SCN3A: variants seen among roughly 807,000 people sequenced by gnomAD.
SCN3A encodes the protein sodium voltage-gated channel alpha subunit 3, also known as sodium channel protein type 3 subunit alpha.
In SCN3A, 60 loss-of-function variants were observed where a neutral mutation model predicts 187.6. That is an observed-to-expected ratio of 0.32 (90% CI 0.26 to 0.40). SCN3A has a LOEUF of 0.40. SCN3A is among the 10% of genes least tolerant of loss of function. The pLI is 1.00. For synonymous variants in SCN3A, 788 were observed against 829.2 expected, an observed-to-expected ratio of 0.95 and a Z score of 0.85; for missense variants, 1,601 against 2,428.2, an observed-to-expected ratio of 0.66 and a Z score of 7.16.
At chr2:165,112,383 G>T (rs972316357) in intron 21 of SCN3A, among the ~76,000 whole-genome samples, 1 of 152,198 alleles carries the variant, frequency 6.6e-6, no homozygotes, top group Non-Finnish European at 1.5e-5. Flanking sequence ...GCATTTTGTT[G>T]TGTCTGTGGG....
At chr2:165,156,025 T>C in intron 9 of SCN3A, 122 bp from the exon 10 acceptor site, 3 of 1,205,928 alleles carry the variant, frequency 2.5e-6, no homozygotes, top group South Asian at 1.3e-5. Context: ...TTGCTTTAAT[T>C]TCCAGAACAC....
intron 26 of SCN3A, chr2:165,093,781 A>G (rs1353037830): frequency 6.6e-6 from 1 of 152,444 alleles, no homozygotes; most frequent in Non-Finnish European, 1.5e-5. Flanking sequence ...CATGATTCGT[A>G]TGTTCTTTGG....
chr2:165,155,630 C>T, intron 10 of SCN3A, 132 bp downstream of exon 10: 6 of 944,128 alleles, frequency 6.4e-6, no homozygotes, highest in Non-Finnish European at 9.8e-6. Flanking sequence ...AATTCCTGGA[C>T]TCAAGTGATC....
intron 18 of SCN3A, among the ~76,000 whole-genome samples, chr2:165,124,114 A>G (rs1299079623): frequency 1.3e-5 from 2 of 152,080 alleles, no homozygotes; most frequent in Admixed American, 6.5e-5. Flanking sequence ...ATTGAAATCT[A>G]TGTATTCAAA....
At chr2:165,135,829 A>G (rs1687630554) in intron 15 of SCN3A, among the ~76,000 whole-genome samples, 1 of 152,124 alleles carries the variant, frequency 6.6e-6, no homozygotes, top group African/African-American at 2.4e-5. Flanking sequence ...ATGGATAGAA[A>G]TAAATAACTC....
At position 165,113,962 on chromosome 2, in the gene SCN3A, T is replaced by A. The variant is rs1162241822; in HGVS notation, c.3523A>T (p.Lys1175Ter). The A allele has an allele frequency of 6.3e-7, 1 of 1,576,102 alleles. No individual in the cohort carries two copies. The highest frequency in any genetic ancestry group is 8.7e-7 in the Non-Finnish European group (1 of 1,151,048). The change falls in exon 20 of 28, where the codon AAA becomes TAA. Residue 1175 changes from lysine (K) to a stop codon, truncating the protein, a stop_gained. Transcript: ENST00000283254. LOFTEE classifies it high-confidence loss of function. ...PEACFTEGCI[K>*]KFPFCQVSTE... is the part of the protein sequence containing the mutation. ...CTTACTTGACAGAATGGAAACTTTT[T>A]AATACATCCTAAAAATCAAATATAG...
intron 11 of SCN3A, 99 bp downstream of exon 11, chr2:165,154,353 A>G (rs923916428): frequency 2.3e-6 from 3 of 1,295,204 alleles, no homozygotes. Context: ...TATATATAAA[A>G]TGAAAAAGCA....
intron 4 of SCN3A, 104 bp downstream of exon 4, chr2:165,170,326 A>G (rs534820115): frequency 5.4e-6 from 4 of 745,156 alleles, no homozygotes; most frequent in Admixed American, 3.8e-5. Flanking sequence ...CAATGTTACC[A>G]TTAATCTCAA....
intron 2 of SCN3A, among the ~76,000 whole-genome samples, chr2:165,182,360 T>A (rs1463378714): frequency 6.6e-6 from 1 of 152,218 alleles, no homozygotes; most frequent in Non-Finnish European, 1.5e-5. Flanking sequence ...CTGAAGCTTT[T>A]TTATTCTTTA....
At chr2:165,191,061 T>C (rs1399553317) in intron 1 of SCN3A, among the ~76,000 whole-genome samples, 4 of 57,526 alleles carry the variant, frequency 7.0e-5, no homozygotes, top group Admixed American at 1.2e-4. Flanking sequence ...TTTTACGTTG[T>C]TTTTTTTTTT....
intron 24 of SCN3A, 119 bp from the exon 25 acceptor site, chr2:165,095,767 T>C (rs1379431840): frequency 5.2e-6 from 3 of 577,162 alleles, no homozygotes; most frequent in South Asian, 3.0e-5. Flanking sequence ...CCCTGAGATA[T>C]TGTTCTACAA....
intron 1 of SCN3A, among the ~76,000 whole-genome samples, chr2:165,187,383 G>A (rs1266889302): frequency 7.2e-5 from 11 of 152,104 alleles, no homozygotes. Context: ...GCTTAGCAGA[G>A]TTAAACCAAT....
intron 4 of SCN3A, among the ~76,000 whole-genome samples, chr2:165,169,230 G>A (rs958145544): frequency 3.3e-5 from 5 of 152,010 alleles, no homozygotes; most frequent in South Asian, 2.1e-4. Context: ...AATGTAAAAA[G>A]TGTGAGAATG....
In SCN3A at chr2:165,092,302, T is replaced by C. The variant is rs1345301139; in HGVS notation, c.4759A>G (p.Ile1587Val). The change falls in exon 27 of 28, where the codon ATA becomes GTA. Residue 1587 changes from isoleucine (I) to valine (V), a missense_variant. Coordinates refer to ENST00000283254, the MANE Select transcript of SCN3A (RefSeq NM_006922.4). This position sits in a 1 kb window ranked among gnomAD's most constrained non-coding sequence, Gnocchi z 4.2. ...LVSLRHYYFT[I>V]GWNIFDFVVV... ...ACAAAGTCAAAGATGTTCCAGCCTA[T>C]AGTGAAGTAGTAGTGTCTGAGGGAG... The C allele has an allele frequency of 1.2e-6, 2 of 1,614,010 alleles. No individual in the cohort carries two copies. The highest frequency in any genetic ancestry group is 1.7e-6 in the Non-Finnish European group (2 of 1,179,936).
intron 1 of SCN3A, among the ~76,000 whole-genome samples, chr2:165,198,023 T>C (rs1692074578): frequency 6.6e-6 from 1 of 151,956 alleles, no homozygotes; most frequent in Non-Finnish European, 1.5e-5. Flanking sequence ...ATTTTTCCCT[T>C]TCAGAGGTAA....
chr2:165,121,343 C>T (rs1365854749), intron 18 of SCN3A, among the ~76,000 whole-genome samples: 1 of 152,008 alleles, frequency 6.6e-6, no homozygotes, highest in Non-Finnish European at 1.5e-5. Context: ...TCAAAGTTTC[C>T]ATAAAGACTC....
In SCN3A at chr2:165,127,995, C is replaced by T; in HGVS notation, c.3029G>A (p.Arg1010Lys). ...CACATAATCAATTCCCTTTTGCATT[C>T]TTCCTACTGCAATCTGCAGATTATT... is the stretch of plus-strand genomic sequence containing the variant. ...EMNNLQIAVG[R>K]MQKGIDYVKN... The change falls in exon 18 of 28, where the codon AGA becomes AAA. Residue 1010 changes from arginine to lysine, a missense_variant. Transcript: ENST00000283254. 1 of 1,614,038 alleles carries T rather than the reference C, an allele frequency of 6.2e-7. No homozygotes were observed. Among genetic ancestry groups the T allele is most frequent in the South Asian group, 1.1e-5 (1 of 91,076 alleles).
chr2:165,111,798 G>T (rs1686132790), intron 21 of SCN3A, among the ~76,000 whole-genome samples: 1 of 152,114 alleles, frequency 6.6e-6, no homozygotes, highest in Non-Finnish European at 1.5e-5. Flanking sequence ...GAGTTATGTT[G>T]AAATTCATCT....
rs2105866203 is a variant in SCN3A, at chr2:165,155,743, A to T, written c.1173+19T>A. ...ATGTCTATAAAAATAAATGTTATGCATGCTCATTTGGACCTTACCAACTGG... is the reference window on the plus strand; with the variant it reads ...ATGTCTATAAAAATAAATGTTATGCTTGCTCATTTGGACCTTACCAACTGG... On this transcript the variant is annotated intron_variant, in intron 10 of 27. Transcript: ENST00000283254. The T allele has an allele frequency of 6.2e-7, 1 of 1,613,760 alleles. No individual in the cohort carries two copies. The highest frequency in any genetic ancestry group is 8.5e-7 in the Non-Finnish European group (1 of 1,179,704).
Sources: allele counts gnomAD v4.1 joint callset (sites outside exome capture counted in the v4.1 genomes callset), GRCh38; gene constraint gnomAD v4.1.1; non-coding constraint Gnocchi (gnomAD v3.1); transcripts MANE v1.5; gene names NCBI Gene and HGNC (gene_info 2026-07-23, HGNC 2026-07-21).